CPNE8: variants seen among roughly 807,000 people sequenced by gnomAD.
CPNE8 encodes the protein copine 8, also known as copine-8.
Under a neutral mutation model 81.5 loss-of-function variants are expected in CPNE8, and 45 were observed. That is an observed-to-expected ratio of 0.55 (90% confidence interval 0.44 to 0.71). The LOEUF (loss-of-function observed/expected upper bound fraction) is 0.71. CPNE8 is among the 30% of genes least tolerant of loss of function. The pLI, the probability that CPNE8 is intolerant of heterozygous loss-of-function variation, is 0.00. For missense variants in CPNE8, 594 were observed against 672.1 expected, an observed-to-expected ratio of 0.88 and a Z score of 1.28; for synonymous variants, 252 against 226.3, an observed-to-expected ratio of 1.11 and a Z score of -1.02.
rs958187741 is a variant in CPNE8, at chr12:38,719,834, T to A, written c.914+3938A>T. ...AAGGACATTACATACATTTATAATA[T>A]GTCTTTGTATAAAAACAACGGAATA... On this transcript the variant is annotated intron_variant, in intron 13 of 19. Coordinates refer to ENST00000331366, the MANE Select transcript of CPNE8 (RefSeq NM_153634.3). 1.2e-4 allele frequency among the ~76,000 whole-genome samples: 19 copies of A among 152,324 alleles called. No homozygotes were observed. The East Asian group carries it at 3.3e-3, about 26-fold the overall frequency.
intron 6 of CPNE8, among the ~76,000 whole-genome samples, chr12:38,812,262 C>A (rs1942950403): frequency 1.3e-5 from 2 of 152,198 alleles, no homozygotes; most frequent in Admixed American, 1.3e-4. Context: ...TTGGAAAATT[C>A]ACCCAAATGG....
chr12:38,764,410 G>T (rs995624333), intron 8 of CPNE8, among the ~76,000 whole-genome samples: 2 of 151,722 alleles, frequency 1.3e-5, no homozygotes, highest in South Asian at 2.1e-4. Flanking sequence ...GAGGTCAGGA[G>T]ATCGAGACCA....
rs1055571713 is a variant in CPNE8, at chr12:38,792,610, G to A, written c.408-16309C>T. On this transcript the variant is annotated intron_variant, in intron 6 of 19. Transcript: ENST00000331366. ...CAAAAAACCTCACAACAAAATTAAA[G>A]CATAAGTCCCAATGGTTCAACTACA... Among the ~76,000 whole-genome samples the A allele has an allele frequency of 3.3e-5, 5 of 151,576 alleles. No homozygotes were observed. The East Asian group carries it at 9.6e-4, about 29-fold the overall frequency.
chr12:38,705,587 A>C (rs1940084539), intron 13 of CPNE8, among the ~76,000 whole-genome samples: 1 of 152,318 alleles, frequency 6.6e-6, no homozygotes, highest in Non-Finnish European at 1.5e-5. Context: ...TTAGAAAAAG[A>C]ATATAGTAAG....
chr12:38,680,864 A>G (rs995435356), intron 16 of CPNE8, among the ~76,000 whole-genome samples: 12 of 152,026 alleles, frequency 7.9e-5, no homozygotes, highest in Non-Finnish European at 1.8e-4. Flanking sequence ...TAAAAAATGA[A>G]AATTCATTTT....
intron 6 of CPNE8, among the ~76,000 whole-genome samples, chr12:38,823,315 A>C (rs946885841): frequency 1.3e-5 from 2 of 152,040 alleles, no homozygotes; most frequent in African/African-American, 4.8e-5. Flanking sequence ...CTAAGTCACA[A>C]TTGAGATCCC....
intron 6 of CPNE8, among the ~76,000 whole-genome samples, chr12:38,799,945 A>C (rs886075065): frequency 6.6e-6 from 1 of 151,118 alleles, no homozygotes; most frequent in Non-Finnish European, 1.5e-5. Flanking sequence ...TGCGCTTTTC[A>C]GACCGGCTTA....
At chr12:38,803,019 T>A (rs1279898400) in intron 6 of CPNE8, among the ~76,000 whole-genome samples, 1 of 105,190 alleles carries the variant, frequency 9.5e-6, no homozygotes, top group Non-Finnish European at 1.9e-5. Flanking sequence ...TAATCAATAG[T>A]TTACCAACCA....
intron 1 of CPNE8, among the ~76,000 whole-genome samples, chr12:38,879,012 G>C (rs1418357834): frequency 6.6e-6 from 1 of 152,142 alleles, no homozygotes; most frequent in Non-Finnish European, 1.5e-5. Flanking sequence ...GCCAGGTACA[G>C]TAATTAGTTC....
intron 3 of CPNE8, among the ~76,000 whole-genome samples, chr12:38,862,219 A>G (rs1409861222): frequency 6.6e-6 from 1 of 151,920 alleles, no homozygotes; most frequent in Non-Finnish European, 1.5e-5. Context: ...CTGACTGTGT[A>G]ACTGTAGGTC....
intron 1 of CPNE8, among the ~76,000 whole-genome samples, chr12:38,883,161 A>G (rs1944186489): frequency 1.3e-5 from 2 of 152,222 alleles, no homozygotes; most frequent in Admixed American, 1.3e-4. Context: ...TCCATTTTCC[A>G]AATAAGTTAA....
At chr12:38,751,364 A>G (rs1941350158) in intron 10 of CPNE8, among the ~76,000 whole-genome samples, 1 of 152,116 alleles carries the variant, frequency 6.6e-6, no homozygotes, top group East Asian at 1.9e-4. Flanking sequence ...CCCCTTTGTT[A>G]TTAGGTATGG....
rs1941718783 is a variant in CPNE8, at chr12:38,767,709, G to C, written c.501C>G (p.Asn167Lys). Residue 167 changes from asparagine (N) to lysine (K), a missense_variant, in exon 8 of 20, where the codon AAC (asparagine) becomes AAG (lysine). Transcript: ENST00000331366. ...CAAAGAAGTCCTTCTTGTCCAATTTGTTCGCACAAAATTGCATCAAAACGG... is the reference window on the plus strand; with the variant it reads ...CAAAGAAGTCCTTCTTGTCCAATTTCTTCGCACAAAATTGCATCAAAACGG... The part of the protein sequence containing the change: ...RDAVLMQFCA[N>K]KLDKKDFFGK... The C allele has an allele frequency of 1.3e-6, 2 of 1,555,374 alleles. No individual in the cohort carries two copies. Among genetic ancestry groups the C allele is most frequent in the Non-Finnish European group, 1.7e-6 (2 of 1,156,626 alleles).
At chr12:38,796,120 T>C (rs540470610) in intron 6 of CPNE8, among the ~76,000 whole-genome samples, 3 of 152,134 alleles carry the variant, frequency 2.0e-5, no homozygotes, top group East Asian at 3.9e-4. Context: ...TGGCCATCTC[T>C]ACCAAAAACA....
In CPNE8 at chr12:38,857,520, T is replaced by C. The variant is rs539800963; in HGVS notation, c.187-8858A>G. 2.1e-4 allele frequency among the ~76,000 whole-genome samples: 32 copies of C among 152,044 alleles called. No homozygotes were observed. The South Asian group carries it at 6.6e-3, about 32-fold the overall frequency. ...TTCTGGTTGTGATAATGTACTAGAG[T>C]TTTTAAGATATTACCACTTGGGGAA... On this transcript the variant is annotated intron_variant, in intron 3 of 19. Transcript: ENST00000331366.
intron 1 of CPNE8, among the ~76,000 whole-genome samples, chr12:38,877,898 C>G (rs1018335727): frequency 1.3e-5 from 2 of 152,110 alleles, no homozygotes; most frequent in African/African-American, 2.4e-5. Context: ...TCCTTAGTCA[C>G]AGTATAAGGA....
upstream of CPNE8, chr12:38,905,873 G>A: frequency 8.1e-6 from 8 of 985,378 alleles, no homozygotes; most frequent in South Asian, 3.8e-4. Flanking sequence ...GACCCAGCAA[G>A]CAGCCTGATG....
rs769038121 is a variant in CPNE8 at position 38,685,742 on chromosome 12, A to G, written c.1144-125T>C. The G allele has an allele frequency of 1.2e-4, 106 of 885,542 alleles. 1 individual carries two copies. Among genetic ancestry groups the G allele is most frequent in the Non-Finnish European group, 1.7e-4 (99 of 595,726 alleles). The allele number at this position is 885,542 out of a possible 1,614,324, so 54.9% of individuals were successfully genotyped here. A position where few individuals can be genotyped will look rare whatever the true frequency, so the allele number is the denominator to read the frequency against. On this transcript the variant is annotated intron_variant, in intron 15 of 19. Transcript: ENST00000331366. ...CATATTTTTTGAGGAACTCTTATTCATAAATTTACAATAGCAAAAAAATAA... is the reference window on the plus strand; with the variant it reads ...CATATTTTTTGAGGAACTCTTATTCGTAAATTTACAATAGCAAAAAAATAA...
intron 16 of CPNE8, among the ~76,000 whole-genome samples, chr12:38,682,921 C>T (rs756333757): frequency 3.8e-4 from 58 of 152,194 alleles, no homozygotes; most frequent in Non-Finnish European, 1.5e-4. Flanking sequence ...AAGGCATCAA[C>T]AGATGTTGAG....
Sources: allele counts gnomAD v4.1 joint callset (sites outside exome capture counted in the v4.1 genomes callset), GRCh38; gene constraint gnomAD v4.1.1; transcripts MANE v1.5; gene names NCBI Gene and HGNC (gene_info 2026-07-23, HGNC 2026-07-21).